The following DLG2 variants were observed in gnomAD, a reference collection of about 807,000 sequenced individuals.
The protein encoded by DLG2 is disks large homolog 2.
A neutral mutation model predicts 132.5 loss-of-function variants in DLG2; 45 were observed. The ratio of observed to expected loss-of-function variants is 0.34; its 90% CI spans 0.27 to 0.44. The LOEUF is 0.44. Ranked by LOEUF, DLG2 falls within the 20% of genes least tolerant of loss-of-function variation. The pLI, the probability that DLG2 is intolerant of heterozygous loss-of-function variation, is 1.00. For missense variants in DLG2, 1,045 were observed against 1,196.9 expected (o/e 0.87, Z 1.87); for synonymous variants, 424 against 419.6 (o/e 1.01, Z -0.13).
intron 7 of DLG2, among the ~76,000 whole-genome samples, chr11:84,282,691 G>A (rs970395324): frequency 6.6e-6 from 1 of 152,124 alleles, no homozygotes; most frequent in African/African-American, 2.4e-5. Context: ...CCTTCCAGCA[G>A]GAAGGGAGGC....
At chr11:85,275,931 G>T (rs1044298497) in intron 4 of DLG2, among the ~76,000 whole-genome samples, 1 of 152,058 alleles carries the variant, frequency 6.6e-6, no homozygotes, top group African/African-American at 2.4e-5. Flanking sequence ...AATGCTTACT[G>T]ATTCTAGGTA....
In DLG2 at chr11:83,474,819, G is replaced by A. The variant is rs184187756; in HGVS notation, c.2294-2042C>T. Among the ~76,000 whole-genome samples the A allele has an allele frequency of 4.8e-3, 734 of 152,164 alleles. 3 individuals are homozygous for A. Among genetic ancestry groups the A allele is most frequent in the Non-Finnish European group, 7.5e-3 (507 of 67,988 alleles). On this transcript the variant is annotated intron_variant, in intron 22 of 27. Transcript: ENST00000376104. The stretch of plus-strand genomic sequence containing the variant: ...TCTCTAAATAAATAGAGCACATCAA[G>A]TTCCCATAAAAATCTCTTCCCAATG...
At chr11:85,346,598 G>C (rs2152869770) in intron 3 of DLG2, among the ~76,000 whole-genome samples, 1 of 152,140 alleles carries the variant, frequency 6.6e-6, no homozygotes, top group East Asian at 1.9e-4. Flanking sequence ...CCCAAGTCTG[G>C]GTCTGTTTAG....
At chr11:85,288,150 G>A (rs1009620087) in intron 3 of DLG2, among the ~76,000 whole-genome samples, 1 of 151,820 alleles carries the variant, frequency 6.6e-6, no homozygotes, top group Non-Finnish European at 1.5e-5. Flanking sequence ...TAGATAAATT[G>A]CATATATTAT....
chr11:84,930,946 T>A (rs1165763396), intron 6 of DLG2, among the ~76,000 whole-genome samples: 1 of 152,110 alleles, frequency 6.6e-6, no homozygotes, highest in African/African-American at 2.4e-5. Context: ...ACACTGACTC[T>A]GACTTCTTAA....
chr11:83,931,774 G>C (rs187588424), intron 14 of DLG2, among the ~76,000 whole-genome samples: 61 of 152,182 alleles, frequency 4.0e-4, no homozygotes, highest in Middle Eastern at 3.4e-3. Context: ...AATAGATTTG[G>C]TGTTTGGAGC....
chr11:84,214,282 A>AAT (rs530089530), intron 8 of DLG2, among the ~76,000 whole-genome samples: 7 of 141,182 alleles, frequency 5.0e-5, no homozygotes, highest in Admixed American at 4.2e-4. Flanking sequence ...CACATATATG[A>AAT]ATATATATAT....
chr11:84,728,882 G>T (rs1329672506), intron 6 of DLG2, among the ~76,000 whole-genome samples: 1 of 152,146 alleles, frequency 6.6e-6, no homozygotes, highest in African/African-American at 2.4e-5. Context: ...TTGCATGGAG[G>T]TGTTTATAGT....
chr11:85,138,893 A>C (rs562945048), intron 5 of DLG2, among the ~76,000 whole-genome samples: 2 of 151,788 alleles, frequency 1.3e-5, no homozygotes, highest in East Asian at 3.9e-4. Flanking sequence ...GAACTAATAC[A>C]TACCCAAAGC....
At chr11:83,498,088 A>C (rs1434575126) in intron 21 of DLG2, among the ~76,000 whole-genome samples, 2 of 152,104 alleles carry the variant, frequency 1.3e-5, no homozygotes, top group East Asian at 3.9e-4. Flanking sequence ...GTTGTACTAT[A>C]CTTTTCTGTA....
chr11:85,224,144 G>A (rs1303474319), intron 4 of DLG2, among the ~76,000 whole-genome samples: 1 of 152,124 alleles, frequency 6.6e-6, no homozygotes, highest in African/African-American at 2.4e-5. Context: ...CATGCACAGT[G>A]CTACATCAGT....
At chr11:84,533,400 C>G (rs763741559) in intron 7 of DLG2, among the ~76,000 whole-genome samples, 1 of 152,044 alleles carries the variant, frequency 6.6e-6, no homozygotes, top group Non-Finnish European at 1.5e-5. Context: ...AAAGAAATTG[C>G]GGAGATTTGC....
intron 6 of DLG2, among the ~76,000 whole-genome samples, chr11:85,038,960 T>C (rs189827856): frequency 6.6e-6 from 1 of 152,048 alleles, no homozygotes; most frequent in Non-Finnish European, 1.5e-5. Context: ...AATTTGACAA[T>C]ATTTGTTACT....
intron 3 of DLG2, among the ~76,000 whole-genome samples, chr11:85,468,835 A>G (rs775931885): frequency 6.6e-6 from 1 of 152,042 alleles, no homozygotes; most frequent in Non-Finnish European, 1.5e-5. Flanking sequence ...TTTTTTAAAT[A>G]TTTATAGAGA....
chr11:85,161,419 G>A (rs908174099), intron 4 of DLG2, among the ~76,000 whole-genome samples: 3 of 152,178 alleles, frequency 2.0e-5, no homozygotes, highest in Non-Finnish European at 4.4e-5. Flanking sequence ...CCGAGCCCTC[G>A]ATATGGCACC....
rs1035081480 is a variant in DLG2, at chr11:84,677,203, A to G, written c.358-142472T>C. Among the ~76,000 whole-genome samples, 10 of 152,134 alleles carry G rather than the reference A, an allele frequency of 6.6e-5. No individual in the cohort carries two copies. The South Asian group carries it at 1.0e-3, about 16-fold the overall frequency. On this transcript the variant is annotated intron_variant, in intron 6 of 27. Coordinates refer to ENST00000376104, the MANE Select transcript of DLG2 (RefSeq NM_001142699.3). ...AAAGTAGATTGTATGAAGGTGGGAC[A>G]ATGAATCTGCCTAACTTCCTTTTGA...
chr11:84,937,824 G>A (rs1036522207), intron 6 of DLG2, among the ~76,000 whole-genome samples: 1 of 152,156 alleles, frequency 6.6e-6, no homozygotes, highest in African/African-American at 2.4e-5. Flanking sequence ...ATAATATTTT[G>A]ACATACTAGA....
At chr11:85,566,034 C>T (rs1351302789) in intron 3 of DLG2, among the ~76,000 whole-genome samples, 2 of 152,130 alleles carry the variant, frequency 1.3e-5, no homozygotes, top group African/African-American at 4.8e-5. Flanking sequence ...TTGTTTTTAT[C>T]ATAGCCACCC....
At position 85,316,308 on chromosome 11, in the gene DLG2, G is replaced by A. The variant is rs78107180; in HGVS notation, c.41-30943C>T. 5.3e-3 allele frequency among the ~76,000 whole-genome samples: 804 copies of A among 152,016 alleles called. 6 individuals are homozygous for A. The highest frequency in any genetic ancestry group is 0.018 in the African/African-American group (755 of 41,468). ...ATTTATAAATAACTCTCATAAACTA[G>A]AAAGACATATTTCTATAATCTAAAC... is the stretch of plus-strand genomic sequence containing the variant. On this transcript the variant is annotated intron_variant, in intron 3 of 27. Transcript: ENST00000376104.
Sources: gnomAD v4.1 joint callset for allele counts (sites outside exome capture counted in the v4.1 genomes callset) on GRCh38, gnomAD v4.1.1 for gene constraint, MANE v1.5 for transcripts, NCBI Gene and HGNC (gene_info 2026-07-23, HGNC 2026-07-21) for gene names.